RASAL2: variants seen among roughly 807,000 people sequenced by gnomAD.
The protein encoded by RASAL2 is RAS protein activator like 2, also known as ras GTPase-activating protein nGAP.
RASAL2 carries 58 observed loss-of-function variants against 128.9 expected under a neutral mutation model. That is an observed-to-expected ratio of 0.45 (90% CI 0.36 to 0.56). RASAL2 has a LOEUF of 0.56. Ranked by LOEUF, RASAL2 falls within the 20% of genes least tolerant of loss-of-function variation. The probability of loss-of-function intolerance (pLI) is 0.00; values close to 1 mark genes in which losing one functional copy is unlikely to be tolerated. For missense variants in RASAL2, 1,360 were observed against 1,601.6 expected (o/e 0.85, Z 2.57); for synonymous variants, 561 against 580.8 (o/e 0.97, Z 0.49).
chr1:178,236,756 CTTTTTTTTTT>C lies in RASAL2; in HGVS notation c.203-46792_203-46783del, dbSNP rs549848632. 2.5e-5 allele frequency among the ~76,000 whole-genome samples: 3 copies of C among 118,426 alleles called. 1 individual carries two copies. The highest frequency in any genetic ancestry group is 1.8e-4 in the Admixed American group (2 of 11,268). 77.7% of individuals were successfully genotyped at this position (118,426 alleles called of 152,430 possible). Reference sequence around the variant, plus strand: ...CTGTGATATTTTATATTGGACACTACTTTTTTTTTTTTTTTTTTTTTTTTTGAAACAGAGT... The same window carrying C: ...CTGTGATATTTTATATTGGACACTACTTTTTTTTTTTTTTTGAAACAGAGT... On this transcript the variant is annotated intron_variant, in intron 1 of 17. Coordinates refer to ENST00000367649, the MANE Select transcript of RASAL2 (RefSeq NM_170692.4).
intron 1 of RASAL2, among the ~76,000 whole-genome samples, chr1:178,165,656 G>A (rs767256749): frequency 6.6e-6 from 1 of 152,092 alleles, no homozygotes; most frequent in Non-Finnish European, 1.5e-5. Context: ...TGGTGATTGA[G>A]TTTTTTATTG....
chr1:178,141,193 C>CTTTTTTTT (rs71297900), intron 1 of RASAL2, among the ~76,000 whole-genome samples: 79 of 73,932 alleles, frequency 1.1e-3, no homozygotes, highest in South Asian at 2.0e-3. Flanking sequence ...CTTTTCTTTT[C>CTTTTTTTT]TTTTTTTTTT....
chr1:178,445,625 C>T lies in RASAL2; in HGVS notation c.1590C>T (p.Leu530=). 1 of 1,613,702 alleles carries T rather than the reference C, an allele frequency of 6.2e-7. No homozygotes were observed. The highest frequency in any genetic ancestry group is 8.5e-7 in the Non-Finnish European group (1 of 1,179,726). The part of the protein sequence containing the change: ...TIATKSIEEY[L]KLVGQQYLHD... ...CCACCAAATCCATTGAGGAATACCT[C>T]AAGTTGGTGGGACAACAGTATCTTC... Residue 530 remains leucine, a synonymous_variant, in exon 9 of 18, where the codon CTC becomes CTT. Transcript: ENST00000367649.
At chr1:178,327,712 A>G (rs1299432955) in intron 3 of RASAL2, among the ~76,000 whole-genome samples, 4 of 152,142 alleles carry the variant, frequency 2.6e-5, no homozygotes, top group Non-Finnish European at 4.4e-5. Flanking sequence ...TAGTTCTTGT[A>G]CCTAGAAAAA....
At chr1:178,382,307 C>T (rs1359394300) in intron 3 of RASAL2, among the ~76,000 whole-genome samples, 1 of 152,138 alleles carries the variant, frequency 6.6e-6, no homozygotes, top group Non-Finnish European at 1.5e-5. Flanking sequence ...TTTTGCCTCA[C>T]CTCTCTGTGT....
intron 3 of RASAL2, among the ~76,000 whole-genome samples, chr1:178,326,630 C>T (rs947834990): frequency 6.6e-6 from 1 of 152,100 alleles, no homozygotes; most frequent in African/African-American, 2.4e-5. Context: ...CCACAACCTC[C>T]GCCTCCAAAG....
In RASAL2 at chr1:178,195,343, G is replaced by T. The variant is rs550887121; in HGVS notation, c.203-88221G>T. 2.0e-5 allele frequency among the ~76,000 whole-genome samples: 3 copies of T among 152,208 alleles called. No homozygotes were observed. In the East Asian group the frequency reaches 5.8e-4, roughly 29 times the overall value. Reference sequence around the variant, plus strand: ...TGATTTAATTAACTGCATTTGAATAGCTAATTGTTAGTGATCTTTTCAATA... The same window carrying T: ...TGATTTAATTAACTGCATTTGAATATCTAATTGTTAGTGATCTTTTCAATA... On this transcript the variant is annotated intron_variant, in intron 1 of 17. Transcript: ENST00000367649.
At chr1:178,229,068 A>G (rs575930111) in intron 1 of RASAL2, among the ~76,000 whole-genome samples, 150 of 152,316 alleles carry the variant, frequency 9.8e-4, no homozygotes, top group Non-Finnish European at 1.8e-3. Context: ...AACTGTGTAC[A>G]GTTTGCCCCA....
chr1:178,475,904 C>CTCTT lies in RASAL2; in HGVS notation c.*2667_*2668insTTTC, dbSNP rs1321475573. On this transcript the variant is annotated 3_prime_UTR_variant, in exon 18 of 18. Transcript: ENST00000367649. ...AATGTTAAGTTATCCTGTGAGCCTA[C>CTCTT]TCCTGTCCAACCTTTTTTCTCAGTA... 1 of 152,236 alleles carries CTCTT rather than the reference C, an allele frequency of 6.6e-6. No homozygotes were observed. The highest frequency in any genetic ancestry group is 1.9e-4 in the East Asian group (1 of 5,206). The allele number at this position is 152,236 out of a possible 1,614,324, so 9.4% of individuals were successfully genotyped here. A position where few individuals can be genotyped will look rare whatever the true frequency, so the allele number is the denominator to read the frequency against.
At chr1:178,390,927 C>T (rs1672868184) in intron 4 of RASAL2, among the ~76,000 whole-genome samples, 1 of 151,802 alleles carries the variant, frequency 6.6e-6, no homozygotes, top group South Asian at 2.1e-4. Flanking sequence ...GGAACATAAG[C>T]AGAGAGTGAC....
At chr1:178,271,996 T>C (rs777698075) in intron 1 of RASAL2, among the ~76,000 whole-genome samples, 11 of 152,198 alleles carry the variant, frequency 7.2e-5, no homozygotes, top group Non-Finnish European at 1.6e-4. Context: ...CCACCTACCA[T>C]TCTTCCAGCT....
intron 3 of RASAL2, among the ~76,000 whole-genome samples, chr1:178,362,898 T>A (rs1352482960): frequency 1.3e-5 from 2 of 152,180 alleles, no homozygotes; most frequent in African/African-American, 2.4e-5. Flanking sequence ...CATCATAGTT[T>A]CTTTATTCGT....
chr1:178,350,179 A>T (rs1257573660), intron 3 of RASAL2, among the ~76,000 whole-genome samples: 1 of 152,198 alleles, frequency 6.6e-6, no homozygotes, highest in African/African-American at 2.4e-5. Context: ...CAAACTTGGC[A>T]AGTGAAAACA....
intron 4 of RASAL2, among the ~76,000 whole-genome samples, chr1:178,395,458 C>G (rs1297190299): frequency 2.0e-5 from 3 of 151,916 alleles, no homozygotes; most frequent in African/African-American, 7.3e-5. Flanking sequence ...TGTTAGTTGC[C>G]CTTCTGTGTT....
At chr1:178,124,368 C>T (rs1659819321) in intron 1 of RASAL2, among the ~76,000 whole-genome samples, 1 of 152,076 alleles carries the variant, frequency 6.6e-6, no homozygotes, top group African/African-American at 2.4e-5. Flanking sequence ...GGGTGGAGCC[C>T]AGAGTACTGC....
At chr1:178,181,576 T>C (rs1662110822) in intron 1 of RASAL2, among the ~76,000 whole-genome samples, 2 of 152,138 alleles carry the variant, frequency 1.3e-5, no homozygotes, top group African/African-American at 2.4e-5. Flanking sequence ...ATTTAGATTA[T>C]TTTTACCTAA....
chr1:178,217,923 A>G (rs1218314677), intron 1 of RASAL2, among the ~76,000 whole-genome samples: 2 of 151,732 alleles, frequency 1.3e-5, no homozygotes, highest in Non-Finnish European at 2.9e-5. Flanking sequence ...TTCTTTCCAA[A>G]CTGGAGTCAA....
chr1:178,177,710 A>G (rs1056005784), intron 1 of RASAL2, among the ~76,000 whole-genome samples: 3 of 152,192 alleles, frequency 2.0e-5, no homozygotes, highest in African/African-American at 7.2e-5. Flanking sequence ...GAAAAACTGA[A>G]GGAAGGGGAT....
At chr1:178,448,186 AAGAG>A (rs1457943824) in intron 9 of RASAL2, among the ~76,000 whole-genome samples, 1 of 152,174 alleles carries the variant, frequency 6.6e-6, no homozygotes, top group Non-Finnish European at 1.5e-5. Context: ...TGATCAGAGA[AAGAG>A]AGAGCATCCA....
Sources: allele counts gnomAD v4.1 joint callset (sites outside exome capture counted in the v4.1 genomes callset), GRCh38; gene constraint gnomAD v4.1.1; transcripts MANE v1.5; gene names NCBI Gene and HGNC (gene_info 2026-07-23, HGNC 2026-07-21).